The following EDA2R variants were observed in gnomAD, a reference collection of about 807,000 sequenced individuals.
EDA2R encodes ectodysplasin A2 receptor.
EDA2R carries 26 observed loss-of-function variants against 20.1 expected under a neutral mutation model. That is an observed-to-expected ratio of 1.30 (90% CI 0.95 to 1.80). The LOEUF is 1.80. Ranked by LOEUF, EDA2R falls within the 40% of genes most tolerant of loss-of-function variation. The pLI, the probability that EDA2R is intolerant of heterozygous loss-of-function variation, is 0.00. For synonymous variants in EDA2R, 114 were observed against 88.7 expected (o/e 1.29, Z -1.60); for missense variants, 277 against 228.7 (o/e 1.21, Z -1.36).
At chrX:66,634,750 A>G (rs868057472) in intron 1 of EDA2R, among the ~76,000 whole-genome samples, 2 of 111,440 alleles carry the variant, frequency 1.8e-5, no homozygotes, top group African/African-American at 3.3e-5. Context: ...TACTTCCCAT[A>G]TACGAAGAAA....
chrX:66,601,427 A>C (rs1602186613), intron 5 of EDA2R, among the ~76,000 whole-genome samples: 1 of 111,813 alleles, frequency 8.9e-6, no homozygotes, highest in Non-Finnish European at 1.9e-5. Flanking sequence ...AAAATCATAA[A>C]GGAACAACAG....
chrX:66,621,281 C>A (rs905259683), intron 1 of EDA2R, among the ~76,000 whole-genome samples: 1 of 111,733 alleles, frequency 8.9e-6, no homozygotes, highest in Non-Finnish European at 1.9e-5. Flanking sequence ...AAACTGGAAC[C>A]CTTGTGTATT....
At position 66,617,705 on chromosome X, in the gene EDA2R, C is replaced by G. The variant is rs762807639; in HGVS notation, c.-10-1675G>C. ...CATTTGGTTTCTAGAGCTCCACCCC[C>G]CTAATAAACATCATGTGTCCTAAAC... On this transcript the variant is annotated intron_variant, in intron 1 of 6. Transcript: ENST00000374719. Among the ~76,000 whole-genome samples, 8 of 110,887 alleles carry G rather than the reference C, an allele frequency of 7.2e-5. No individual in the cohort carries two copies. The South Asian group carries it at 1.6e-3, about 22-fold the overall frequency.
At position 66,597,949 on chromosome X, in the gene EDA2R, C is replaced by T. The variant is rs765511051; in HGVS notation, c.*155G>A. 9 of 746,098 alleles carry T rather than the reference C, an allele frequency of 1.2e-5. No individual in the cohort carries two copies. The highest frequency in any genetic ancestry group is 1.6e-5 in the Non-Finnish European group (9 of 575,202). 61.5% of individuals were successfully genotyped at this position (746,098 alleles called of 1,213,427 possible). A position where few individuals can be genotyped will look rare whatever the true frequency, so the allele number is the denominator to read the frequency against. On this transcript the variant is annotated 3_prime_UTR_variant, in exon 7 of 7. Transcript: ENST00000374719. ...AGTCCTTGTGAAATGGAGAATCAAT[C>T]CTCTGGTGGGATGGGATAGGATATG...
chrX:66,617,594 T>A (rs1395461033), intron 1 of EDA2R, among the ~76,000 whole-genome samples: 1 of 111,689 alleles, frequency 9.0e-6, no homozygotes, highest in Non-Finnish European at 1.9e-5. Context: ...GAAGTAGCCC[T>A]CTTTTTGAGC....
In EDA2R at chrX:66,597,722, C is replaced by T. The variant is rs1441454522; in HGVS notation, c.*382G>A. 7.3e-6 allele frequency: 1 copy of T among 136,665 alleles called. No homozygotes were observed. The highest frequency in any genetic ancestry group is 1.5e-5 in the Non-Finnish European group (1 of 68,830). The allele number at this position is 136,665 out of a possible 1,213,427, so 11.3% of individuals were successfully genotyped here. Reference sequence around the variant, plus strand: ...AAAGGGGAGAAGGGTTTGATTTTGTCCCTAAAGTGCTAGGTAGATGTGCCA... The same window carrying T: ...AAAGGGGAGAAGGGTTTGATTTTGTTCCTAAAGTGCTAGGTAGATGTGCCA... On this transcript the variant is annotated 3_prime_UTR_variant, in exon 7 of 7. Transcript: ENST00000374719.
intron 1 of EDA2R, among the ~76,000 whole-genome samples, chrX:66,638,750 C>G (rs1213149184): frequency 3.6e-5 from 4 of 111,152 alleles, no homozygotes; most frequent in Middle Eastern, 4.6e-3. Context: ...CAATGCAGGT[C>G]CAGTAAGAGC....
intron 1 of EDA2R, among the ~76,000 whole-genome samples, chrX:66,636,955 C>CAT (rs1167341526): frequency 9.1e-6 from 1 of 109,478 alleles, no homozygotes; most frequent in African/African-American, 3.3e-5. Context: ...CACACACACA[C>CAT]ACACACACAC....
At chrX:66,602,220 C>T (rs771827263) in intron 5 of EDA2R, among the ~76,000 whole-genome samples, 2 of 111,365 alleles carry the variant, frequency 1.8e-5, no homozygotes, top group Non-Finnish European at 3.8e-5. Flanking sequence ...TGGAAAAGAA[C>T]CCAGAAATCA....
At chrX:66,610,411 T>G (rs1211517945) in intron 2 of EDA2R, among the ~76,000 whole-genome samples, 1 of 111,004 alleles carries the variant, frequency 9.0e-6, no homozygotes, top group Non-Finnish European at 1.9e-5. Context: ...CATTAGGTAT[T>G]GTTCTTCTGG....
At chrX:66,633,859 C>G (rs1275724259) in intron 1 of EDA2R, among the ~76,000 whole-genome samples, 1 of 111,976 alleles carries the variant, frequency 8.9e-6, no homozygotes, top group Non-Finnish European at 1.9e-5. Context: ...GATTTATTTG[C>G]AGGATTGGGA....
At chrX:66,614,136 G>T (rs1043332639) in intron 2 of EDA2R, among the ~76,000 whole-genome samples, 17 of 111,566 alleles carry the variant, frequency 1.5e-4, no homozygotes, top group African/African-American at 4.9e-4. Context: ...TCTGGGAAAA[G>T]ACTTCTTCCC....
chrX:66,608,912 T>C (rs936875322), intron 2 of EDA2R, among the ~76,000 whole-genome samples: 10 of 111,825 alleles, frequency 8.9e-5, no homozygotes, highest in Middle Eastern at 4.6e-3. Context: ...TAATAAAAAG[T>C]CTTAGAAATA....
rs1274030595 is a variant in EDA2R at position 66,597,316 on chromosome X, A to G, written c.*788T>C. The G allele has an allele frequency of 8.9e-6, 1 of 112,424 alleles. No homozygotes were observed. The highest frequency in any genetic ancestry group is 3.2e-5 in the African/African-American group (1 of 30,970). 9.3% of individuals were successfully genotyped at this position (112,424 alleles called of 1,213,427 possible). ...AATTGACATTTCAATAGAAAGAGGCATACTCAGATGTCCCTACATGGATTG... is the reference window on the plus strand; with the variant it reads ...AATTGACATTTCAATAGAAAGAGGCGTACTCAGATGTCCCTACATGGATTG... On this transcript the variant is annotated 3_prime_UTR_variant, in exon 7 of 7. Coordinates refer to ENST00000374719, the MANE Select transcript of EDA2R (RefSeq NM_021783.5).
intron 2 of EDA2R, among the ~76,000 whole-genome samples, chrX:66,608,568 T>C (rs73632132): frequency 0.068 from 7,623 of 111,685 alleles, 642 homozygotes; most frequent in African/African-American, 0.24. Flanking sequence ...AATAAACTGT[T>C]AACCAAGAAC....
intron 1 of EDA2R, among the ~76,000 whole-genome samples, chrX:66,623,681 G>T (rs1932833051): frequency 9.0e-6 from 1 of 111,220 alleles, no homozygotes; most frequent in Non-Finnish European, 1.9e-5. Flanking sequence ...TGGCCTCCTT[G>T]TTGAACTTCA....
intron 2 of EDA2R, 81 bp from the exon 3 acceptor site, chrX:66,605,307 G>T (rs1253789206): frequency 1.0e-6 from 1 of 957,478 alleles, no homozygotes; most frequent in Admixed American, 4.1e-5. Context: ...GGACTGTACA[G>T]GGTAGTATTT....
At chrX:66,604,962 C>T (rs1053975917) in intron 3 of EDA2R, 86 bp downstream of exon 3, 24 of 825,940 alleles carry the variant, frequency 2.9e-5, no homozygotes, top group Middle Eastern at 3.9e-4. Context: ...AAGAATATTT[C>T]GACTAAGTTC....
rs769086924 is a variant in EDA2R at position 66,628,219 on chromosome X, A to T, written c.-11+10776T>A. On this transcript the variant is annotated intron_variant, in intron 1 of 6. Transcript: ENST00000374719. ...AAAGTTCATAGCCTTAAACACCTAT[A>T]TGGAAATGACTAAAAGAGCACAAAC... 3.6e-5 allele frequency among the ~76,000 whole-genome samples: 4 copies of T among 111,365 alleles called. No individual in the cohort carries two copies. The East Asian group carries it at 1.1e-3, about 31-fold the overall frequency.
Sources: allele counts gnomAD v4.1 joint callset (sites outside exome capture counted in the v4.1 genomes callset), GRCh38; gene constraint gnomAD v4.1.1; transcripts MANE v1.5; gene names NCBI Gene and HGNC (gene_info 2026-07-23, HGNC 2026-07-21).